USP47: variants seen among roughly 807,000 people sequenced by gnomAD.
USP47 encodes ubiquitin carboxyl-terminal hydrolase 47.
In USP47, 35 loss-of-function variants were observed where a neutral mutation model predicts 165.1. The ratio of observed to expected loss-of-function variants is 0.21; its 90% confidence interval spans 0.16 to 0.28. The LOEUF (loss-of-function observed/expected upper bound fraction) is 0.28, where lower values mean the gene tolerates loss of function less well. USP47 is among the 10% of genes least tolerant of loss of function. The pLI, the probability that USP47 is intolerant of heterozygous loss-of-function variation, is 1.00. For synonymous variants in USP47, 531 were observed against 544.5 expected, an observed-to-expected ratio of 0.98 and a Z score of 0.35; for missense variants, 1,277 against 1,607.4, an observed-to-expected ratio of 0.79 and a Z score of 3.52.
At chr11:11,907,047 T>C (rs918060049) in intron 8 of USP47, among the ~76,000 whole-genome samples, 1 of 152,238 alleles carries the variant, frequency 6.6e-6, no homozygotes, top group African/African-American at 2.4e-5. Flanking sequence ...AATTTTGCTG[T>C]ATTAAATCTT....
intron 5 of USP47, among the ~76,000 whole-genome samples, chr11:11,899,333 G>A (rs1852045320): frequency 1.3e-5 from 2 of 152,218 alleles, no homozygotes; most frequent in Non-Finnish European, 2.9e-5. Context: ...TTACAGCACT[G>A]TAGAGGAAAT....
At chr11:11,903,377 C>T in intron 7 of USP47, 35 bp downstream of exon 7, 1 of 1,567,854 alleles carries the variant, frequency 6.4e-7, no homozygotes, top group Non-Finnish European at 8.7e-7. Context: ...GGGACTGTTT[C>T]CTAATAAATC....
At chr11:11,930,417 G>A (rs1328535652) in intron 13 of USP47, among the ~76,000 whole-genome samples, 1 of 152,050 alleles carries the variant, frequency 6.6e-6, no homozygotes, top group African/African-American at 2.4e-5. Context: ...CAACTTGCTG[G>A]CCCCTGACTT....
intron 17 of USP47, 92 bp downstream of exon 17, chr11:11,936,602 AT>A: frequency 9.5e-7 from 1 of 1,055,044 alleles, no homozygotes; most frequent in Non-Finnish European, 1.3e-6. Context: ...CATAATTTAA[AT>A]TTTGTATATG....
chr11:11,882,024 A>G (rs1443530700), intron 2 of USP47, among the ~76,000 whole-genome samples: 1 of 152,154 alleles, frequency 6.6e-6, no homozygotes, highest in African/African-American at 2.4e-5. Context: ...AGTATTCTAG[A>G]TAGCCTTTTT....
chr11:11,884,676 T>C, intron 3 of USP47, 96 bp downstream of exon 3: 2 of 778,410 alleles, frequency 2.6e-6, no homozygotes, highest in South Asian at 4.0e-5. Flanking sequence ...ATGTGTTTTG[T>C]AATTTGTGTA....
chr11:11,862,805 CCTTGGCCTCCCAG>C lies in USP47; in HGVS notation c.40-17371_40-17359del, dbSNP rs1849460629. On this transcript the variant is annotated intron_variant, in intron 1 of 27. Transcript: ENST00000527733. ...CTCCTGGGCTCAAGTGATCCTCCCA[CCTTGGCCTCCCAG>C]ATTATTGGGATTACAGGCATGAGCC... is the stretch of plus-strand genomic sequence containing the variant. Among the ~76,000 whole-genome samples, 6 of 152,258 alleles carry C rather than the reference CCTTGGCCTCCCAG, an allele frequency of 3.9e-5. No homozygotes were observed. The East Asian group carries it at 9.7e-4, about 25-fold the overall frequency.
intron 1 of USP47, among the ~76,000 whole-genome samples, chr11:11,843,449 T>C (rs1848257339): frequency 6.6e-6 from 1 of 152,220 alleles, no homozygotes; most frequent in South Asian, 2.1e-4. Flanking sequence ...ATCAGAATTC[T>C]TGCCTTGGGA....
chr11:11,915,858 T>C (rs1303153801), intron 8 of USP47, among the ~76,000 whole-genome samples: 3 of 152,160 alleles, frequency 2.0e-5, no homozygotes. Context: ...TAATTCTCAG[T>C]GGTGGATCTA....
chr11:11,888,633 G>A (rs1434966801), intron 3 of USP47, among the ~76,000 whole-genome samples: 1 of 152,110 alleles, frequency 6.6e-6, no homozygotes, highest in African/African-American at 2.4e-5. Flanking sequence ...ACAAAGAAGA[G>A]CTGGTACCAT....
At chr11:11,943,433 T>C (rs991225699) in intron 20 of USP47, 1 of 169,126 alleles carries the variant, frequency 5.9e-6, no homozygotes, top group Non-Finnish European at 1.3e-5. Flanking sequence ...TGAGAAACTT[T>C]AGAAAATTTG....
intron 1 of USP47, among the ~76,000 whole-genome samples, chr11:11,876,840 T>A (rs1212383324): frequency 6.6e-6 from 1 of 152,142 alleles, no homozygotes. Context: ...TGCCTTAAGT[T>A]ACACACACAG....
At chr11:11,911,526 T>C (rs1199167620) in intron 8 of USP47, among the ~76,000 whole-genome samples, 5 of 152,202 alleles carry the variant, frequency 3.3e-5, no homozygotes, top group Middle Eastern at 3.4e-3. Context: ...GGCTGTTACA[T>C]TGTAATAAAA....
At chr11:11,917,092 G>T (rs1488367349) in intron 8 of USP47, among the ~76,000 whole-genome samples, 1 of 152,140 alleles carries the variant, frequency 6.6e-6, no homozygotes, top group Non-Finnish European at 1.5e-5. Flanking sequence ...TTTCAAAGCT[G>T]CAGTGAGCCA....
At chr11:11,872,689 G>A (rs1352886068) in intron 1 of USP47, among the ~76,000 whole-genome samples, 1 of 152,002 alleles carries the variant, frequency 6.6e-6, no homozygotes, top group Non-Finnish European at 1.5e-5. Context: ...TGGGAGAACA[G>A]TGTTGAAAGA....
intron 2 of USP47, among the ~76,000 whole-genome samples, chr11:11,881,417 T>C (rs1564862348): frequency 6.6e-6 from 1 of 152,144 alleles, no homozygotes; most frequent in Non-Finnish European, 1.5e-5. Flanking sequence ...CTGATCAGAA[T>C]GCCTTTTCCT....
chr11:11,890,289 T>A (rs889353321), intron 3 of USP47, among the ~76,000 whole-genome samples: 1 of 152,162 alleles, frequency 6.6e-6, no homozygotes, highest in African/African-American at 2.4e-5. Context: ...AGAAAATTTT[T>A]ACAATCTATC....
chr11:11,899,884 C>T (rs73413214), intron 5 of USP47, among the ~76,000 whole-genome samples: 3,536 of 152,104 alleles, frequency 0.023, 127 homozygotes, highest in African/African-American at 0.081. Context: ...GAACTAAGAA[C>T]CTCATTGAAC....
chr11:11,854,693 C>G (rs1406837338), intron 1 of USP47, among the ~76,000 whole-genome samples: 1 of 147,584 alleles, frequency 6.8e-6, no homozygotes, highest in African/African-American at 2.4e-5. Flanking sequence ...TGATTACAGC[C>G]TGTCAGCTAC....
Sources: allele counts gnomAD v4.1 joint callset (sites outside exome capture counted in the v4.1 genomes callset), GRCh38; gene constraint gnomAD v4.1.1; transcripts MANE v1.5; gene names NCBI Gene and HGNC (gene_info 2026-07-23, HGNC 2026-07-21).